C12orf42: variants seen among roughly 807,000 people sequenced by gnomAD.
The protein encoded by C12orf42 is chromosome 12 open reading frame 42.
In C12orf42, 25 loss-of-function variants were observed where a neutral mutation model predicts 21.6. That is an observed-to-expected ratio of 1.16 (90% CI 0.84 to 1.62). The LOEUF (loss-of-function observed/expected upper bound fraction) is 1.62. Among genes scored for constraint, C12orf42 ranks in the 40% most tolerant of loss-of-function variants. The pLI is 0.00. For missense variants in C12orf42, 483 were observed against 459.3 expected (o/e 1.05, Z -0.47); for synonymous variants, 174 against 175.0 (o/e 0.99, Z 0.05).
chr12:103,192,031 T>C, the C12orf42 span, among the ~76,000 whole-genome samples: 1 of 151,488 alleles, frequency 6.6e-6, no homozygotes, highest in African/African-American at 2.4e-5. Flanking sequence ...CAAAAAATCA[T>C]CAAATGATAA....
At chr12:103,498,486 AAAGG>A (rs1271091022), upstream of C12orf42, among the ~76,000 whole-genome samples, 1 of 152,268 alleles carries the variant, frequency 6.6e-6, no homozygotes, top group Admixed American at 6.5e-5. Flanking sequence ...TTCAGACAAA[AAAGG>A]AAGAAAATCT....
At chr12:103,301,221 C>T (rs982952096), downstream of C12orf42, among the ~76,000 whole-genome samples, 1 of 152,078 alleles carries the variant, frequency 6.6e-6, no homozygotes, top group Admixed American at 6.6e-5. Context: ...GATTTGACAA[C>T]CTCCATCTAT....
At chr12:103,232,710 C>A (rs374603471), downstream of C12orf42, among the ~76,000 whole-genome samples, 1,359 of 114,750 alleles carry the variant, frequency 0.012, no homozygotes, top group Non-Finnish European at 0.013. Context: ...GACTCCGTCT[C>A]AAAAAAAAAA....
At chr12:103,096,243 C>T in the C12orf42 span, among the ~76,000 whole-genome samples, 1 of 152,172 alleles carries the variant, frequency 6.6e-6, no homozygotes. Flanking sequence ...TAAAGGCATA[C>T]AGTGCCCAAC....
At chr12:103,098,529 C>T in the C12orf42 span, among the ~76,000 whole-genome samples, 3 of 152,142 alleles carry the variant, frequency 2.0e-5, no homozygotes, top group South Asian at 2.1e-4. Flanking sequence ...TCAAAGTCTG[C>T]GTTTCAGCCA....
At chr12:103,473,682 C>T (rs1252854260) in intron 2 of C12orf42, among the ~76,000 whole-genome samples, 4 of 152,174 alleles carry the variant, frequency 2.6e-5, no homozygotes, top group Non-Finnish European at 5.9e-5. Flanking sequence ...GCCACAAAAC[C>T]ACATGCATTT....
chr12:103,120,545 T>C, the C12orf42 span, among the ~76,000 whole-genome samples: 1 of 152,108 alleles, frequency 6.6e-6, no homozygotes, highest in Non-Finnish European at 1.5e-5. Flanking sequence ...TGCCTTAATA[T>C]GTCAATTGCT....
the C12orf42 span, among the ~76,000 whole-genome samples, chr12:103,049,952 T>C: frequency 6.6e-6 from 1 of 152,212 alleles, no homozygotes; most frequent in Admixed American, 6.5e-5. Flanking sequence ...TCTAAAGCAC[T>C]CCTTCCATTG....
chr12:103,205,911 T>A, the C12orf42 span, among the ~76,000 whole-genome samples: 2 of 152,202 alleles, frequency 1.3e-5, no homozygotes, highest in Non-Finnish European at 2.9e-5. Context: ...AATTAAAAAG[T>A]ATATAAAAGA....
At chr12:103,527,433 A>T in the C12orf42 span, among the ~76,000 whole-genome samples, 5,224 of 152,280 alleles carry the variant, frequency 0.034, 317 homozygotes, top group African/African-American at 0.12. Context: ...TGGACCCCTC[A>T]TGAATAGATT....
At chr12:103,295,985 G>A (rs2037247477) in intron 4 of C12orf42, among the ~76,000 whole-genome samples, 1 of 150,754 alleles carries the variant, frequency 6.6e-6, no homozygotes, top group South Asian at 2.1e-4. Flanking sequence ...TTTGCATTAG[G>A]TATATCTCCC....
At chr12:103,291,331 G>C (rs964566086) in intron 4 of C12orf42, among the ~76,000 whole-genome samples, 2 of 152,172 alleles carry the variant, frequency 1.3e-5, no homozygotes, top group Non-Finnish European at 2.9e-5. Flanking sequence ...TAGAAGTATT[G>C]GGAAAATTAA....
the C12orf42 span, among the ~76,000 whole-genome samples, chr12:103,101,590 C>T: frequency 3.6e-4 from 55 of 152,270 alleles, no homozygotes; most frequent in Admixed American, 7.8e-4. Context: ...GAACATCATC[C>T]GCTCTGCTAT....
downstream of C12orf42, among the ~76,000 whole-genome samples, chr12:103,265,479 T>C (rs1405500842): frequency 6.6e-6 from 1 of 152,306 alleles, no homozygotes; most frequent in African/African-American, 2.4e-5. Context: ...AGAATTAGAA[T>C]TGTGTAATAA....
At chr12:103,560,978 C>T in the C12orf42 span, among the ~76,000 whole-genome samples, 1 of 152,322 alleles carries the variant, frequency 6.6e-6, no homozygotes, top group South Asian at 2.1e-4. Context: ...TCAAATCTGG[C>T]TGACTTGCTA....
At chr12:103,254,877 T>G (rs901827267) in intron 10 of C12orf42, among the ~76,000 whole-genome samples, 8 of 152,204 alleles carry the variant, frequency 5.3e-5, no homozygotes, top group Non-Finnish European at 1.0e-4. Context: ...TTTACCTCTG[T>G]AACAAACCTG....
At chr12:103,500,845 A>C (rs887959095), upstream of C12orf42, among the ~76,000 whole-genome samples, 2 of 152,248 alleles carry the variant, frequency 1.3e-5, no homozygotes, top group Non-Finnish European at 2.9e-5. Context: ...TAAAGGAAGA[A>C]ATATCAGGGT....
chr12:103,281,373 T>C (rs2036105486), intron 4 of C12orf42, among the ~76,000 whole-genome samples: 1 of 152,206 alleles, frequency 6.6e-6, no homozygotes, highest in Non-Finnish European at 1.5e-5. Context: ...GTGTTTGTTG[T>C]TCTCTTTGAG....
the C12orf42 span, among the ~76,000 whole-genome samples, chr12:103,130,523 C>T: frequency 1.3e-5 from 2 of 152,040 alleles, no homozygotes; most frequent in African/African-American, 4.8e-5. Context: ...GTGTCACTGT[C>T]CCAGGTTGGT....
Sources: gnomAD v4.1 joint callset for allele counts (sites outside exome capture counted in the v4.1 genomes callset) on GRCh38, gnomAD v4.1.1 for gene constraint, MANE v1.5 for transcripts, NCBI Gene and HGNC (gene_info 2026-07-23, HGNC 2026-07-21) for gene names.